SLC22A23: variants seen among roughly 807,000 people sequenced by gnomAD.
SLC22A23 encodes the protein ion transporter protein.
Under a neutral mutation model 61.0 loss-of-function variants are expected in SLC22A23, and 26 were observed. That is an observed-to-expected ratio of 0.43 (90% CI 0.31 to 0.59). The LOEUF (loss-of-function observed/expected upper bound fraction) is 0.59. Among genes scored for constraint, SLC22A23 ranks in the 20% least tolerant of loss-of-function variants. The pLI is 0.11. For synonymous variants in SLC22A23, 430 were observed against 413.9 expected (o/e 1.04, Z -0.47); for missense variants, 796 against 934.7 (o/e 0.85, Z 1.94).
chr6:3,269,158 T>A lies in SLC22A23; in HGVS notation c.*3897A>T, dbSNP rs764619696. Reference sequence around the variant, plus strand: ...TACACGAACAAGGGAAAAAAATTCCTCTTAATTTTACTGATGGCCCCCGTC... The same window carrying A: ...TACACGAACAAGGGAAAAAAATTCCACTTAATTTTACTGATGGCCCCCGTC... On this transcript the variant is annotated 3_prime_UTR_variant, in exon 10 of 10. Coordinates refer to ENST00000406686, the MANE Select transcript of SLC22A23 (RefSeq NM_015482.2). 1.1e-5 allele frequency: 1 copy of A among 93,536 alleles called. No homozygotes were observed. The highest frequency in any genetic ancestry group is 2.2e-5 in the Non-Finnish European group (1 of 45,398). The allele number at this position is 93,536 out of a possible 1,614,324, so 5.8% of individuals were successfully genotyped here.
chr6:3,301,835 C>G lies in SLC22A23; in HGVS notation c.1083-3617G>C, dbSNP rs528079858. 2.6e-5 allele frequency among the ~76,000 whole-genome samples: 4 copies of G among 152,344 alleles called. No individual in the cohort carries two copies. In the East Asian group the frequency reaches 7.7e-4, roughly 29 times the overall value. On this transcript the variant is annotated intron_variant, in intron 4 of 9. Transcript: ENST00000406686. ...GGGGAGAACCGCGGAGATGTGCTCA[C>G]TATACACAGTTTTGAAGCCAGGATA...
rs75782031 is a variant in SLC22A23 at position 3,406,127 on chromosome 6, G to A, written c.913+4061C>T. On this transcript the variant is annotated intron_variant, in intron 3 of 9. Coordinates refer to ENST00000406686, the MANE Select transcript of SLC22A23 (RefSeq NM_015482.2). ...TTGTTCATTATTTCAAACTGGGAAA[G>A]TGTAGCTGGTGGGGGGCAGTTAGAA... 1.6e-3 allele frequency among the ~76,000 whole-genome samples: 237 copies of A among 152,302 alleles called. 1 individual carries two copies. The highest frequency in any genetic ancestry group is 3.5e-3 in the Admixed American group (54 of 15,312).
At chr6:3,455,663 C>T (rs1364607633) in intron 1 of SLC22A23, among the ~76,000 whole-genome samples, 1 of 152,216 alleles carries the variant, frequency 6.6e-6, no homozygotes, top group African/African-American at 2.4e-5. Flanking sequence ...GGGGGAAGGG[C>T]GCGCTTTCCA....
chr6:3,393,475 G>T (rs1270817526), intron 3 of SLC22A23, among the ~76,000 whole-genome samples: 1 of 152,192 alleles, frequency 6.6e-6, no homozygotes. Context: ...GGACTATTGG[G>T]CAGTGCAGGT....
At chr6:3,428,471 C>T (rs1334588883) in intron 1 of SLC22A23, among the ~76,000 whole-genome samples, 1 of 152,162 alleles carries the variant, frequency 6.6e-6, no homozygotes, top group African/African-American at 2.4e-5. Flanking sequence ...GTGTCTCGGG[C>T]TTCATGGGCT....
At chr6:3,339,693 G>A (rs954149489) in intron 3 of SLC22A23, among the ~76,000 whole-genome samples, 9 of 152,094 alleles carry the variant, frequency 5.9e-5, no homozygotes, top group East Asian at 1.9e-4. Context: ...GCGCCATGAC[G>A]GTTTACAGAT....
chr6:3,340,479 A>G (rs1051742184), intron 3 of SLC22A23, among the ~76,000 whole-genome samples: 1 of 152,198 alleles, frequency 6.6e-6, no homozygotes, highest in Admixed American at 6.5e-5. Flanking sequence ...CCAGGTAACC[A>G]TGAGATAAAT....
intron 3 of SLC22A23, among the ~76,000 whole-genome samples, chr6:3,355,348 G>T (rs1381794464): frequency 1.3e-5 from 2 of 151,948 alleles, no homozygotes; most frequent in East Asian, 3.9e-4. Flanking sequence ...AGAAGCCTTT[G>T]AACTTAAAAG....
At chr6:3,399,695 G>A (rs1029333701) in intron 3 of SLC22A23, among the ~76,000 whole-genome samples, 1 of 152,142 alleles carries the variant, frequency 6.6e-6, no homozygotes, top group Non-Finnish European at 1.5e-5. Flanking sequence ...TCTTGAAAAT[G>A]AGTACCACTA....
chr6:3,274,520 G>A (rs1244737018), intron 9 of SLC22A23, among the ~76,000 whole-genome samples: 1 of 152,204 alleles, frequency 6.6e-6, no homozygotes, highest in Non-Finnish European at 1.5e-5. Context: ...CCTTTGAACT[G>A]CTGAGGCTGA....
chr6:3,428,403 G>A (rs1419039902), intron 1 of SLC22A23, among the ~76,000 whole-genome samples: 1 of 152,114 alleles, frequency 6.6e-6, no homozygotes, highest in East Asian at 1.9e-4. Flanking sequence ...TGAACTTTTG[G>A]GGGAACTCCA....
chr6:3,323,775 G>A, intron 4 of SLC22A23, 59 bp downstream of exon 4: 1 of 1,544,982 alleles, frequency 6.5e-7, no homozygotes, highest in Non-Finnish European at 8.8e-7. Flanking sequence ...CCCGGGGCCG[G>A]GCCTTCAGGA....
At position 3,387,337 on chromosome 6, in the gene SLC22A23, A is replaced by G. The variant is rs987668918; in HGVS notation, c.913+22851T>C. ...GGTGCTCTTCCCCCTAGTCTGATCA[A>G]GAGAAAGTATCAGACAGACCCACAT... On this transcript the variant is annotated intron_variant, in intron 3 of 9. Transcript: ENST00000406686. The surrounding 1 kb of genome is among the most constrained non-coding windows in gnomAD (Gnocchi z 5.0). Among the ~76,000 whole-genome samples, 3 of 152,356 alleles carry G rather than the reference A, an allele frequency of 2.0e-5. No homozygotes were observed. The East Asian group carries it at 5.8e-4, about 29-fold the overall frequency.
intron 3 of SLC22A23, among the ~76,000 whole-genome samples, chr6:3,332,551 T>C (rs1763638244): frequency 6.6e-6 from 1 of 152,208 alleles, no homozygotes; most frequent in Non-Finnish European, 1.5e-5. Context: ...ATGAATATTT[T>C]GGATATGTTG....
chr6:3,418,090 G>A (rs1419136278), intron 1 of SLC22A23, among the ~76,000 whole-genome samples: 1 of 152,180 alleles, frequency 6.6e-6, no homozygotes, highest in Non-Finnish European at 1.5e-5. Context: ...TATACACTCT[G>A]GGAGAGGAGG....
intron 3 of SLC22A23, among the ~76,000 whole-genome samples, chr6:3,359,947 G>A (rs926916303): frequency 6.6e-6 from 1 of 151,982 alleles, no homozygotes; most frequent in African/African-American, 2.4e-5. Context: ...ACTTATTTTT[G>A]TCCTTAGAGG....
intron 1 of SLC22A23, among the ~76,000 whole-genome samples, chr6:3,440,242 C>T (rs9328173): frequency 0.53 from 80,929 of 151,894 alleles, 21,919 homozygotes; most frequent in Middle Eastern, 0.74. Context: ...CATGCTGGAG[C>T]TCTGCTGTCA....
At chr6:3,283,684 C>T (rs575446058) in intron 9 of SLC22A23, 168 bp downstream of exon 9, 22 of 1,175,342 alleles carry the variant, frequency 1.9e-5, no homozygotes, top group Admixed American at 1.5e-4. Context: ...GCCTCTTGGG[C>T]GCCTCGGGGT....
intron 4 of SLC22A23, among the ~76,000 whole-genome samples, chr6:3,302,254 T>C (rs896697412): frequency 3.9e-5 from 6 of 152,190 alleles, no homozygotes; most frequent in Non-Finnish European, 8.8e-5. Context: ...TGATGATTCT[T>C]TGTATTTCTG....
Sources: allele counts gnomAD v4.1 joint callset (sites outside exome capture counted in the v4.1 genomes callset), GRCh38; gene constraint gnomAD v4.1.1; non-coding constraint Gnocchi (gnomAD v3.1); transcripts MANE v1.5; gene names NCBI Gene and HGNC (gene_info 2026-07-23, HGNC 2026-07-21).